Variants in OSBPL9 observed in about 807,000 individuals in gnomAD.
OSBPL9 encodes oxysterol-binding protein-related protein 9.
A neutral mutation model predicts 106.6 loss-of-function variants in OSBPL9; 40 were observed. The observed-to-expected ratio is 0.38, with a 90% CI of 0.29 to 0.49. OSBPL9 has a LOEUF of 0.49. Among genes scored for constraint, OSBPL9 ranks in the 20% least tolerant of loss-of-function variants. The probability of loss-of-function intolerance (pLI) is 0.97; values close to 1 mark genes in which losing one functional copy is unlikely to be tolerated. For missense variants in OSBPL9, 609 were observed against 887.2 expected (o/e 0.69, Z 3.98); for synonymous variants, 269 against 295.4 (o/e 0.91, Z 0.92).
chr1:51,551,567 T>G, the OSBPL9 span, among the ~76,000 whole-genome samples: 1 of 149,912 alleles, frequency 6.7e-6, no homozygotes, highest in Non-Finnish European at 1.5e-5. Context: ...CAGTCATTTA[T>G]TTATTTATTT....
intron 3 of OSBPL9, among the ~76,000 whole-genome samples, chr1:51,702,025 A>G (rs1280097918): frequency 6.6e-6 from 1 of 151,966 alleles, no homozygotes. Context: ...TATGTGCCAC[A>G]TTTTCTTAAT....
chr1:51,608,106 A>C (rs1029509844), intron 2 of OSBPL9, among the ~76,000 whole-genome samples: 1 of 152,108 alleles, frequency 6.6e-6, no homozygotes, highest in Non-Finnish European at 1.5e-5. Flanking sequence ...TTACCAGTCT[A>C]GTGTTCCTAG....
At chr1:51,604,913 A>G (rs1643931685) in intron 2 of OSBPL9, among the ~76,000 whole-genome samples, 2 of 152,168 alleles carry the variant, frequency 1.3e-5, no homozygotes, top group South Asian at 2.1e-4. Flanking sequence ...CAGCCTCCCA[A>G]AGTGCTGGGA....
At chr1:51,744,707 C>G (rs549577735) in intron 4 of OSBPL9, among the ~76,000 whole-genome samples, 79 of 152,212 alleles carry the variant, frequency 5.2e-4, no homozygotes, top group African/African-American at 1.8e-3. Flanking sequence ...CCCTCAGTCC[C>G]CTGCTTAACA....
At chr1:51,526,116 A>G in the OSBPL9 span, among the ~76,000 whole-genome samples, 1 of 152,158 alleles carries the variant, frequency 6.6e-6, no homozygotes, top group Non-Finnish European at 1.5e-5. Context: ...GGCTTAAGCA[A>G]TCCACCTGCC....
chr1:51,580,195 C>A (rs1018104877), intron 1 of OSBPL9, among the ~76,000 whole-genome samples: 6 of 152,180 alleles, frequency 3.9e-5, no homozygotes, highest in African/African-American at 1.4e-4. Context: ...GTTAAAAAGC[C>A]TTGTGGGGTG....
At chr1:51,643,754 T>C (rs555406614) in intron 1 of OSBPL9, among the ~76,000 whole-genome samples, 2 of 151,886 alleles carry the variant, frequency 1.3e-5, no homozygotes, top group South Asian at 4.2e-4. Context: ...GAGAAAGGAT[T>C]GGAGGAGAGG....
chr1:51,741,306 T>C (rs971446432), intron 4 of OSBPL9, among the ~76,000 whole-genome samples: 5 of 152,170 alleles, frequency 3.3e-5, no homozygotes, highest in African/African-American at 1.2e-4. Context: ...ACATAGATTC[T>C]GGATGATATA....
intron 3 of OSBPL9, among the ~76,000 whole-genome samples, chr1:51,690,464 T>C (rs1350761178): frequency 1.3e-5 from 2 of 152,194 alleles, no homozygotes; most frequent in African/African-American, 2.4e-5. Flanking sequence ...TATCTGACAG[T>C]TTTGGAGACT....
intron 1 of OSBPL9, among the ~76,000 whole-genome samples, chr1:51,588,679 G>T (rs774412556): frequency 6.6e-6 from 1 of 152,052 alleles, no homozygotes; most frequent in Non-Finnish European, 1.5e-5. Context: ...AAAAAGACTC[G>T]CTGGTACACA....
At chr1:51,558,744 C>T in the OSBPL9 span, among the ~76,000 whole-genome samples, 1 of 152,174 alleles carries the variant, frequency 6.6e-6, no homozygotes, top group South Asian at 2.1e-4. Context: ...GCTTAGTGAG[C>T]TCTGCATTTA....
At chr1:51,542,169 T>G in the OSBPL9 span, among the ~76,000 whole-genome samples, 3 of 152,278 alleles carry the variant, frequency 2.0e-5, no homozygotes, top group East Asian at 5.8e-4. Flanking sequence ...GATTACAGGC[T>G]TAAACCACTG....
chr1:51,696,948 T>TC (rs1656144762), intron 3 of OSBPL9, among the ~76,000 whole-genome samples: 1 of 151,882 alleles, frequency 6.6e-6, no homozygotes, highest in African/African-American at 2.4e-5. Flanking sequence ...GGCCAAGAGT[T>TC]CAAGACCAGC....
rs867109606 is a variant in OSBPL9, at chr1:51,656,672, C to G, written c.162+4631C>G. Among the ~76,000 whole-genome samples the G allele has an allele frequency of 1.1e-4, 16 of 149,012 alleles. 1 individual carries two copies. The highest frequency in any genetic ancestry group is 3.4e-3 in the Middle Eastern group (1 of 294). ...TCTCCTCCCCCTCCTCGCTCTCCCC[C>G]CAACTTTTGACAGGATCTTGCTCTT... On this transcript the variant is annotated intron_variant, in intron 2 of 23. Transcript: ENST00000428468.
intron 14 of OSBPL9, among the ~76,000 whole-genome samples, chr1:51,773,941 C>CTCTGTTGTTGTTGTT (rs901406229): frequency 1.6e-4 from 24 of 148,966 alleles, no homozygotes; most frequent in African/African-American, 5.7e-4. Context: ...CAGCTGCTGG[C>CTCTGTTGTTGTTGTT]GTTGTTGTTG....
the OSBPL9 span, among the ~76,000 whole-genome samples, chr1:51,533,873 A>G: frequency 8.1e-6 from 1 of 123,962 alleles, no homozygotes; most frequent in Non-Finnish European, 1.6e-5. Context: ...GCAGAGGAAT[A>G]GATAATACTG....
chr1:51,519,711 G>A, the OSBPL9 span, among the ~76,000 whole-genome samples: 1 of 152,122 alleles, frequency 6.6e-6, no homozygotes, highest in South Asian at 2.1e-4. Context: ...CTCTGTACTA[G>A]ACTCTTATTT....
chr1:51,621,506 A>C (rs928863070), intron 1 of OSBPL9, among the ~76,000 whole-genome samples: 12 of 131,296 alleles, frequency 9.1e-5, no homozygotes, highest in African/African-American at 3.8e-4. Flanking sequence ...ACTCCGTCTC[A>C]AAAAAAAAAA....
chr1:51,710,519 A>T (rs1659581668), intron 3 of OSBPL9, among the ~76,000 whole-genome samples: 1 of 152,224 alleles, frequency 6.6e-6, no homozygotes, highest in South Asian at 2.1e-4. Context: ...GGCATTGTTT[A>T]TGCCTAGAAA....
Sources: allele counts gnomAD v4.1 joint callset (sites outside exome capture counted in the v4.1 genomes callset), GRCh38; gene constraint gnomAD v4.1.1; transcripts MANE v1.5; gene names NCBI Gene and HGNC (gene_info 2026-07-23, HGNC 2026-07-21).